The following CAMK1G variants were observed in gnomAD, a reference collection of about 807,000 sequenced individuals.
CAMK1G encodes the protein calcium/calmodulin dependent protein kinase IG, also known as calcium/calmodulin-dependent protein kinase type 1G.
Under a neutral mutation model 54.8 loss-of-function variants are expected in CAMK1G, and 27 were observed. The observed-to-expected ratio is 0.49, with a 90% CI of 0.36 to 0.68. The LOEUF is 0.68. Among genes scored for constraint, CAMK1G ranks in the 30% least tolerant of loss-of-function variants. The pLI, the probability that CAMK1G is intolerant of heterozygous loss-of-function variation, is 0.00. For missense variants in CAMK1G, 512 were observed against 591.0 expected (o/e 0.87, Z 1.39); for synonymous variants, 238 against 224.9 (o/e 1.06, Z -0.52).
intron 1 of CAMK1G, among the ~76,000 whole-genome samples, chr1:209,585,828 A>G (rs1378733687): frequency 6.6e-6 from 1 of 152,248 alleles, no homozygotes; most frequent in Non-Finnish European, 1.5e-5. Flanking sequence ...TGCCAGCGCC[A>G]GCGAGTGAAT....
At chr1:209,609,428 A>C (rs1331758165) in intron 8 of CAMK1G, among the ~76,000 whole-genome samples, 1 of 152,226 alleles carries the variant, frequency 6.6e-6, no homozygotes, top group Admixed American at 6.5e-5. Flanking sequence ...TTAGATATCA[A>C]GAAAGAGCAT....
rs1336783514 is a variant in CAMK1G, at chr1:209,605,418, T to A, written c.297-118T>A. 2.4e-6 allele frequency: 3 copies of A among 1,261,768 alleles called. No homozygotes were observed. The Admixed American group carries it at 6.3e-5, about 27-fold the overall frequency. The allele number at this position is 1,261,768 out of a possible 1,614,324, so 78.2% of individuals were successfully genotyped here. On this transcript the variant is annotated intron_variant, in intron 4 of 12. Coordinates refer to ENST00000361322, the MANE Select transcript of CAMK1G (RefSeq NM_020439.3). ...TCTGCTGGCAGCCCTTCAATCACAG[T>A]TCATGGGGGCCTGCCTGTTCCACTG... is the stretch of plus-strand genomic sequence containing the variant.
intron 6 of CAMK1G, among the ~76,000 whole-genome samples, chr1:209,607,535 G>C (rs777016339): frequency 6.6e-6 from 1 of 152,164 alleles, no homozygotes; most frequent in African/African-American, 2.4e-5. Context: ...CTATCTGAGT[G>C]GGGAGACAGG....
At chr1:209,590,507 T>C (rs1665218432) in intron 1 of CAMK1G, among the ~76,000 whole-genome samples, 1 of 152,196 alleles carries the variant, frequency 6.6e-6, no homozygotes, top group South Asian at 2.1e-4. Context: ...TAGCTTCGGC[T>C]AAGAATACTA....
intron 3 of CAMK1G, among the ~76,000 whole-genome samples, chr1:209,602,150 T>C (rs1051857804): frequency 1.3e-5 from 2 of 152,184 alleles, no homozygotes; most frequent in East Asian, 1.9e-4. Context: ...TCCACCATGA[T>C]GCTGTCGACA....
intron 1 of CAMK1G, among the ~76,000 whole-genome samples, chr1:209,591,078 A>T (rs946895142): frequency 6.6e-6 from 1 of 151,850 alleles, no homozygotes; most frequent in Non-Finnish European, 1.5e-5. Context: ...CTGGCTAAAG[A>T]TATCCCCCGA....
chr1:209,585,207 G>A (rs867194985), intron 1 of CAMK1G, among the ~76,000 whole-genome samples: 4 of 152,200 alleles, frequency 2.6e-5, no homozygotes, highest in Admixed American at 6.5e-5. Context: ...AGGTTAGAGT[G>A]AGAAATGGTT....
chr1:209,605,492 A>C, intron 4 of CAMK1G, 44 bp from the exon 5 acceptor site: 1 of 1,598,280 alleles, frequency 6.3e-7, no homozygotes, highest in South Asian at 1.1e-5. Flanking sequence ...CATTACTTTG[A>C]GTGAAATGAG....
intron 12 of CAMK1G, 24 bp downstream of exon 12, chr1:209,612,936 C>A: frequency 8.2e-7 from 1 of 1,214,612 alleles, no homozygotes; most frequent in Non-Finnish European, 1.2e-6. Flanking sequence ...CAGTGTGAGG[C>A]TTGGGGAGAG....
intron 2 of CAMK1G, among the ~76,000 whole-genome samples, chr1:209,598,569 G>A (rs908739907): frequency 6.6e-5 from 10 of 152,142 alleles, no homozygotes; most frequent in Admixed American, 5.9e-4. Flanking sequence ...ATAGAACCAG[G>A]AAATAACACC....
intron 1 of CAMK1G, among the ~76,000 whole-genome samples, chr1:209,591,214 T>C (rs1252188948): frequency 1.3e-5 from 2 of 152,178 alleles, no homozygotes; most frequent in Non-Finnish European, 2.9e-5. Context: ...CTCTGGCCAG[T>C]GCCTGCATCC....
At chr1:209,584,939 T>C (rs1194898134) in intron 1 of CAMK1G, among the ~76,000 whole-genome samples, 4 of 152,206 alleles carry the variant, frequency 2.6e-5, no homozygotes, top group Non-Finnish European at 5.9e-5. Flanking sequence ...TGTTTATAAT[T>C]AATCATCTTT....
rs77812267 is a variant in CAMK1G at position 209,611,274 on chromosome 1, C to A, written c.828-191C>A. 5.6e-3 allele frequency among the ~76,000 whole-genome samples: 853 copies of A among 152,326 alleles called. 10 individuals carry two copies. Among genetic ancestry groups the A allele is most frequent in the African/African-American group, 0.019 (807 of 41,558 alleles). On this transcript the variant is annotated intron_variant, in intron 9 of 12. Coordinates refer to ENST00000361322, the MANE Select transcript of CAMK1G (RefSeq NM_020439.3). ...CTTGCTCTAAAAGTTTTTGATTTTG[C>A]CAAAGCTAAAGCCGACTCTTACTTG...
Position 209,613,085 on chromosome 1 carries a change from G to A in CAMK1G, c.*83G>A, listed in dbSNP as rs1260290596. 61 of 508,878 alleles carry A rather than the reference G, an allele frequency of 1.2e-4. No homozygotes were observed. The highest frequency in any genetic ancestry group is 1.9e-4 in the Non-Finnish European group (53 of 278,118). The allele number at this position is 508,878 out of a possible 1,614,324, so 31.5% of individuals were successfully genotyped here. The stretch of plus-strand genomic sequence containing the variant: ...GCTCTTCCAAACCTGGTGTCTATCC[G>A]GCAGAGGGAGGAAGGCAGAGCAAGT... On this transcript the variant is annotated 3_prime_UTR_variant, in exon 13 of 13. Coordinates refer to ENST00000361322, the MANE Select transcript of CAMK1G (RefSeq NM_020439.3).
intron 8 of CAMK1G, among the ~76,000 whole-genome samples, chr1:209,609,543 C>T (rs562874041): frequency 1.3e-5 from 2 of 152,336 alleles, no homozygotes; most frequent in Non-Finnish European, 2.9e-5. Flanking sequence ...GCCCATGTGC[C>T]AGCGCTGGCC....
rs186667678 is a variant in CAMK1G at position 209,592,893 on chromosome 1, C to T, written c.-29-2062C>T. ...CTATTCCATGAAACCTATTTTACCA[C>T]GAGTCCTCCAGATGTGGATTATCAG... On this transcript the variant is annotated intron_variant, in intron 1 of 12. Transcript: ENST00000361322. Among the ~76,000 whole-genome samples, 279 of 152,228 alleles carry T rather than the reference C, an allele frequency of 1.8e-3. 1 individual carries two copies. The highest frequency in any genetic ancestry group is 5.6e-3 in the South Asian group (27 of 4,824).
intron 4 of CAMK1G, among the ~76,000 whole-genome samples, chr1:209,603,737 G>C (rs886953366): frequency 1.3e-5 from 2 of 152,218 alleles, no homozygotes; most frequent in African/African-American, 4.8e-5. Context: ...AAATTGGATA[G>C]TAAATGTTTT....
At chr1:209,584,219 A>G (rs1419914412) in intron 1 of CAMK1G, among the ~76,000 whole-genome samples, 1 of 152,064 alleles carries the variant, frequency 6.6e-6, no homozygotes, top group Non-Finnish European at 1.5e-5. Flanking sequence ...CCATCCATCA[A>G]ATAAAGTATG....
At chr1:209,606,719 C>G (rs1050360169) in intron 6 of CAMK1G, among the ~76,000 whole-genome samples, 1 of 152,194 alleles carries the variant, frequency 6.6e-6, no homozygotes, top group Non-Finnish European at 1.5e-5. Context: ...AGACTTCCAG[C>G]CTTTGTCTTT....
Sources: allele counts gnomAD v4.1 joint callset (sites outside exome capture counted in the v4.1 genomes callset), GRCh38; gene constraint gnomAD v4.1.1; transcripts MANE v1.5; gene names NCBI Gene and HGNC (gene_info 2026-07-23, HGNC 2026-07-21).